The following SCYL3 variants were observed in gnomAD, a reference collection of about 807,000 sequenced individuals.
SCYL3 encodes the protein protein-associating with the carboxyl-terminal domain of ezrin.
A neutral mutation model predicts 73.8 loss-of-function variants in SCYL3; 35 were observed. The ratio of observed to expected loss-of-function variants is 0.47; its 90% confidence interval spans 0.36 to 0.63. The LOEUF is 0.63. Ranked by LOEUF, SCYL3 falls within the 20% of genes least tolerant of loss-of-function variation. The pLI is 0.00. For missense variants in SCYL3, 712 were observed against 798.9 expected (o/e 0.89, Z 1.31); for synonymous variants, 277 against 295.2 (o/e 0.94, Z 0.63).
At chr1:169,880,266 T>TAA (rs1661152210) in intron 2 of SCYL3, among the ~76,000 whole-genome samples, 1 of 152,122 alleles carries the variant, frequency 6.6e-6, no homozygotes, top group African/African-American at 2.4e-5. Flanking sequence ...TGAAAATACT[T>TAA]AAAGTATTTA....
At chr1:169,868,579 A>C (rs1000414590) in intron 7 of SCYL3, among the ~76,000 whole-genome samples, 2 of 152,224 alleles carry the variant, frequency 1.3e-5, no homozygotes, top group African/African-American at 2.4e-5. Context: ...GCAGAAAAGA[A>C]AGGCTAGGTT....
In SCYL3 at chr1:169,862,694, C is replaced by T. The variant is rs1284139900; in HGVS notation, c.1059G>A (p.Val353=). 5.6e-6 allele frequency: 9 copies of T among 1,614,192 alleles called. No individual in the cohort carries two copies. The highest frequency in any genetic ancestry group is 7.6e-6 in the Non-Finnish European group (9 of 1,180,040). The part of the protein sequence containing the change: ...LQLFEVHEEH[V]RMVLLSHIEA... ...CGATGTGAGACAGCAGCACCATCCG[C>T]ACATGCTCTTCATGAACTTCAAACA... is the stretch of plus-strand genomic sequence containing the variant. The change falls in exon 10 of 13, where the codon GTG becomes GTA. Residue 353 remains valine, a synonymous_variant. Transcript: ENST00000367771.
At position 169,854,439 on chromosome 1, in the gene SCYL3, G is replaced by A; in HGVS notation, c.1838C>T (p.Pro613Leu). Residue 613 changes from proline to leucine, a missense_variant, in exon 12 of 13, where the codon CCA (proline) becomes CTA (leucine). Physicochemically the swap from Pro to Leu is moderately conservative, Grantham distance 98. Around this residue, in one of 2 missense-constraint regions of SCYL3, gnomAD observed 370 missense variants for 350.8 expected, o/e 1.05. Transcript: ENST00000367771. ...CCAATCCATCTCAGGATCTTTTACT[G>A]GCTTCTTTTTTACTTGAATGGTGAA... is the stretch of plus-strand genomic sequence containing the variant. ...EEFTIQVKKK[P>L]VKDPEMDWFA... 1 of 1,614,052 alleles carries A rather than the reference G, an allele frequency of 6.2e-7. No homozygotes were observed. Among genetic ancestry groups the A allele is most frequent in the East Asian group, 2.2e-5 (1 of 44,882 alleles).
intron 11 of SCYL3, among the ~76,000 whole-genome samples, chr1:169,858,431 T>G (rs933518793): frequency 2.0e-5 from 3 of 152,216 alleles, no homozygotes; most frequent in Non-Finnish European, 4.4e-5. Flanking sequence ...TAACAATGCC[T>G]TCTTCTGGAA....
At chr1:169,864,586 A>G in intron 8 of SCYL3, 78 bp from the exon 9 acceptor site, 1 of 1,339,914 alleles carries the variant, frequency 7.5e-7, no homozygotes, top group Non-Finnish European at 1.0e-6. Flanking sequence ...GCCTACACAC[A>G]TCCTCTCTCT....
At position 169,851,888 on chromosome 1, in the gene SCYL3, A is replaced by G. The variant is rs746862979; in HGVS notation, c.*1825T>C. On this transcript the variant is annotated 3_prime_UTR_variant, in exon 13 of 13. Transcript: ENST00000367771. Reference sequence around the variant, plus strand: ...AACAGGAAAAAGGTATTTTCTGGGAACCCTTTGCTAATGTGACTGTAGAAG... The same window carrying G: ...AACAGGAAAAAGGTATTTTCTGGGAGCCCTTTGCTAATGTGACTGTAGAAG... The G allele has an allele frequency of 4.5e-5, 73 of 1,613,800 alleles. No individual in the cohort carries two copies. The highest frequency in any genetic ancestry group is 5.8e-5 in the Non-Finnish European group (69 of 1,179,940).
intron 1 of SCYL3, 123 bp from the exon 2 acceptor site, chr1:169,889,013 C>T: frequency 2.0e-6 from 1 of 490,392 alleles, no homozygotes; most frequent in South Asian, 5.5e-5. Context: ...GGACATTTGA[C>T]AGTAAAAATG....
intron 1 of SCYL3, among the ~76,000 whole-genome samples, chr1:169,889,627 A>T (rs1470590333): frequency 6.6e-6 from 1 of 152,230 alleles, no homozygotes; most frequent in African/African-American, 2.4e-5. Flanking sequence ...CACAGAATTC[A>T]AATGCAACTA....
At chr1:169,892,481 T>G (rs939675114) in intron 1 of SCYL3, among the ~76,000 whole-genome samples, 1 of 152,212 alleles carries the variant, frequency 6.6e-6, no homozygotes, top group African/African-American at 2.4e-5. Context: ...AGAAAAACAC[T>G]TGGCCTTCCA....
At chr1:169,869,311 A>G (rs1014804866) in intron 6 of SCYL3, among the ~76,000 whole-genome samples, 2 of 152,150 alleles carry the variant, frequency 1.3e-5, no homozygotes, top group Non-Finnish European at 2.9e-5. Context: ...CTCAGGCCCA[A>G]AGAAGAAGGG....
At chr1:169,891,184 A>G (rs1363981592) in intron 1 of SCYL3, among the ~76,000 whole-genome samples, 1 of 152,206 alleles carries the variant, frequency 6.6e-6, no homozygotes, top group Non-Finnish European at 1.5e-5. Flanking sequence ...TATGAGGTGG[A>G]GGTGGAGCTA....
At chr1:169,854,145 T>C (rs1013172269) in intron 12 of SCYL3, 125 bp downstream of exon 12, 30 of 724,962 alleles carry the variant, frequency 4.1e-5, no homozygotes, top group Middle Eastern at 2.6e-4. Context: ...ACTGATTTTG[T>C]TAATTTTGTG....
intron 2 of SCYL3, among the ~76,000 whole-genome samples, chr1:169,882,334 A>G (rs1268744883): frequency 6.6e-6 from 1 of 152,192 alleles, no homozygotes; most frequent in Non-Finnish European, 1.5e-5. Flanking sequence ...GCCGGGCCTT[A>G]GCTGCCTTCC....
chr1:169,892,502 C>T (rs191833136), intron 1 of SCYL3, among the ~76,000 whole-genome samples: 2 of 152,312 alleles, frequency 1.3e-5, no homozygotes, highest in African/African-American at 2.4e-5. Flanking sequence ...AAATGCTTTC[C>T]TGTTGTTTTG....
Position 169,849,815 on chromosome 1 carries a change from G to A in SCYL3, c.*3898C>T. The A allele has an allele frequency of 1.8e-6, 1 of 554,734 alleles. No homozygotes were observed. The highest frequency in any genetic ancestry group is 3.2e-6 in the Non-Finnish European group (1 of 310,210). The allele number at this position is 554,734 out of a possible 1,614,324, so 34.4% of individuals were successfully genotyped here. On this transcript the variant is annotated 3_prime_UTR_variant, in exon 13 of 13. Transcript: ENST00000367771. ...TTCGTAAGGTCCTCTGAATAAACAA[G>A]GACCAGAACAGGCATACACAGCAGG...
chr1:169,888,647 A>G, intron 2 of SCYL3, 29 bp downstream of exon 2: 1 of 1,569,368 alleles, frequency 6.4e-7, no homozygotes. Context: ...AAAAAGTACT[A>G]ACTATTAAGT....
intron 4 of SCYL3, among the ~76,000 whole-genome samples, chr1:169,875,378 C>T (rs1660721835): frequency 6.6e-6 from 1 of 152,184 alleles, no homozygotes; most frequent in African/African-American, 2.4e-5. Flanking sequence ...AAAGGTTCAT[C>T]AACCTGGGAG....
At chr1:169,880,515 A>G (rs1234354484) in intron 2 of SCYL3, among the ~76,000 whole-genome samples, 3 of 105,054 alleles carry the variant, frequency 2.9e-5, no homozygotes, top group African/African-American at 6.3e-5. Context: ...AAATGCTGAA[A>G]GAAAAAACTA....
chr1:169,862,550 T>C (rs1659724514), intron 10 of SCYL3, 63 bp downstream of exon 10: 2 of 859,300 alleles, frequency 2.3e-6, no homozygotes. Flanking sequence ...CCTCCAAAAC[T>C]CTTTCTTTCA....
Sources: gnomAD v4.1 joint callset for allele counts (sites outside exome capture counted in the v4.1 genomes callset) on GRCh38, gnomAD v4.1.1 for gene constraint, gnomAD v4.1.1 regional missense constraint, MANE v1.5 for transcripts, NCBI Gene and HGNC (gene_info 2026-07-23, HGNC 2026-07-21) for gene names.